Variants in ANKRD42 observed in about 807,000 individuals in gnomAD.
ANKRD42 encodes ankyrin repeat domain 42.
Under a neutral mutation model 51.5 loss-of-function variants are expected in ANKRD42, and 43 were observed. That is an observed-to-expected ratio of 0.83 (90% CI 0.65 to 1.08). ANKRD42 has a LOEUF of 1.08. Among genes scored for constraint, ANKRD42 ranks in the 50% least tolerant of loss-of-function variants. ANKRD42 has a pLI of 0.00. For synonymous variants in ANKRD42, 203 were observed against 213.0 expected (o/e 0.95, Z 0.41); for missense variants, 608 against 629.3 (o/e 0.97, Z 0.36).
At chr11:83,247,478 G>A (rs1042827305) in intron 10 of ANKRD42, among the ~76,000 whole-genome samples, 11 of 152,234 alleles carry the variant, frequency 7.2e-5, no homozygotes, top group Admixed American at 7.2e-4. Flanking sequence ...TGTCTGGAAT[G>A]CTTTTCCTCT....
At chr11:83,242,605 C>T (rs200579320) in intron 9 of ANKRD42, among the ~76,000 whole-genome samples, 5 of 75,982 alleles carry the variant, frequency 6.6e-5, no homozygotes, top group East Asian at 3.4e-4. Flanking sequence ...CTCACTCCGT[C>T]GCCAGGCTGG....
At chr11:83,195,841 CTCTCT>C (rs1348206490) in intron 1 of ANKRD42, among the ~76,000 whole-genome samples, 1 of 149,102 alleles carries the variant, frequency 6.7e-6, no homozygotes, top group East Asian at 1.9e-4. Context: ...CTCTCTCTCT[CTCTCT>C]TTTTTTTTTT....
At chr11:83,247,328 C>G (rs1163940986) in intron 10 of ANKRD42, among the ~76,000 whole-genome samples, 1 of 152,092 alleles carries the variant, frequency 6.6e-6, no homozygotes, top group East Asian at 1.9e-4. Context: ...CTCCGCCTCC[C>G]AAAGTGCTGG....
chr11:83,214,472 A>T (rs750044358), intron 5 of ANKRD42: 1 of 979,326 alleles, frequency 1.0e-6, no homozygotes. Flanking sequence ...GTTTCTTTAA[A>T]CATGTATGAT....
At chr11:83,226,450 C>T (rs566605133) in intron 6 of ANKRD42, among the ~76,000 whole-genome samples, 3 of 152,210 alleles carry the variant, frequency 2.0e-5, no homozygotes, top group African/African-American at 7.2e-5. Flanking sequence ...TAATTTAACC[C>T]TCTCAATGCA....
rs143526527 is a variant in ANKRD42 at position 83,199,255 on chromosome 11, T to C, written c.222+613T>C. ...CCCCTCTCAGGTGCCATTCCTCTGC[T>C]TCCAACTCCAGAGATAACTATTACC... On this transcript the variant is annotated intron_variant, in intron 2 of 10. Transcript: ENST00000533342. 1.0e-3 allele frequency among the ~76,000 whole-genome samples: 155 copies of C among 152,362 alleles called. 1 individual carries two copies. Among genetic ancestry groups the C allele is most frequent in the African/African-American group, 3.6e-3 (149 of 41,588 alleles).
downstream of ANKRD42, chr11:83,257,329 A>G (rs918187439): frequency 2.9e-5 from 13 of 455,972 alleles, no homozygotes; most frequent in East Asian, 9.0e-4. Context: ...CAGGAGCCAC[A>G]GAGCTGGCTC....
chr11:83,213,241 C>G (rs1056822908), intron 5 of ANKRD42: 21 of 1,598,630 alleles, frequency 1.3e-5, no homozygotes, highest in African/African-American at 4.0e-5. Context: ...AGTTCCTGGT[C>G]CACAACATCA....
downstream of ANKRD42, among the ~76,000 whole-genome samples, chr11:83,252,948 C>T (rs1480253822): frequency 6.6e-6 from 1 of 152,176 alleles, no homozygotes; most frequent in Non-Finnish European, 1.5e-5. Context: ...GAACTCATAG[C>T]TTCTGTCTCC....
At chr11:83,202,068 A>G (rs2135483743) in intron 2 of ANKRD42, among the ~76,000 whole-genome samples, 2 of 152,318 alleles carry the variant, frequency 1.3e-5, no homozygotes, top group East Asian at 1.9e-4. Context: ...GTCTTTGCCC[A>G]TGGCTATGTC....
chr11:83,202,491 A>G (rs917241536), intron 2 of ANKRD42, among the ~76,000 whole-genome samples: 1 of 152,196 alleles, frequency 6.6e-6, no homozygotes, highest in African/African-American at 2.4e-5. Flanking sequence ...TTGGTTCCAT[A>G]TGAAATTTAA....
At chr11:83,249,709 A>AT (rs1185763420), downstream of ANKRD42, among the ~76,000 whole-genome samples, 14 of 150,496 alleles carry the variant, frequency 9.3e-5, no homozygotes, top group South Asian at 8.4e-4. Context: ...CTCAGAGTTC[A>AT]TTTTTTTTTG....
At position 83,207,205 on chromosome 11, in the gene ANKRD42, A is replaced by C. The variant is rs529035613; in HGVS notation, c.330+1040A>C. Among the ~76,000 whole-genome samples the C allele has an allele frequency of 2.6e-5, 4 of 152,306 alleles. No homozygotes were observed. The South Asian group carries it at 8.3e-4, about 32-fold the overall frequency. ...AGAACTCACTCACTATCATGAGAAT[A>C]GCATGGGGTAACCACCCCCATGATT... On this transcript the variant is annotated intron_variant, in intron 3 of 10. Coordinates refer to ENST00000533342, the MANE Select transcript of ANKRD42 (RefSeq NM_001300975.2).
chr11:83,250,421 T>C (rs146622978), downstream of ANKRD42, among the ~76,000 whole-genome samples: 60 of 152,282 alleles, frequency 3.9e-4, no homozygotes, highest in East Asian at 0.011. Context: ...TAGAATGATA[T>C]ATATATTTTT....
At chr11:83,213,178 G>GA in intron 5 of ANKRD42, 1 of 1,601,306 alleles carries the variant, frequency 6.2e-7, no homozygotes, top group Non-Finnish European at 8.5e-7. Flanking sequence ...GCCCAACATT[G>GA]GTTGTGGGAG....
intron 2 of ANKRD42, among the ~76,000 whole-genome samples, chr11:83,202,414 C>T (rs1861906998): frequency 6.6e-6 from 1 of 152,194 alleles, no homozygotes. Flanking sequence ...AGTTTGAAGT[C>T]AGGTAGCATG....
chr11:83,213,090 T>A, intron 5 of ANKRD42: 1 of 1,600,828 alleles, frequency 6.2e-7, no homozygotes, highest in Admixed American at 1.7e-5. Flanking sequence ...GACTGATATG[T>A]CAAAATTAAG....
At chr11:83,227,431 C>CAAAGGGTTTT (rs1862923013) in intron 6 of ANKRD42, among the ~76,000 whole-genome samples, 1 of 152,002 alleles carries the variant, frequency 6.6e-6, no homozygotes, top group Non-Finnish European at 1.5e-5. Context: ...TGTCTTTATA[C>CAAAGGGTTTT]AAAGGGTTTT....
At chr11:83,252,974 C>A (rs1863700891), downstream of ANKRD42, among the ~76,000 whole-genome samples, 2 of 152,282 alleles carry the variant, frequency 1.3e-5, no homozygotes, top group South Asian at 4.1e-4. Flanking sequence ...CAGTATTATT[C>A]AGGAAGTCCT....
Sources: gnomAD v4.1 joint callset for allele counts (sites outside exome capture counted in the v4.1 genomes callset) on GRCh38, gnomAD v4.1.1 for gene constraint, MANE v1.5 for transcripts, NCBI Gene and HGNC (gene_info 2026-07-23, HGNC 2026-07-21) for gene names.